The following NR3C1 variants were observed in gnomAD, a reference collection of about 807,000 sequenced individuals.
The protein encoded by NR3C1 is glucocorticoid receptor.
NR3C1 carries 14 observed loss-of-function variants against 74.0 expected under a neutral mutation model. The ratio of observed to expected loss-of-function variants is 0.19; its 90% CI spans 0.12 to 0.30. NR3C1 has a LOEUF of 0.30. Among genes scored for constraint, NR3C1 ranks in the 10% least tolerant of loss-of-function variants. The pLI is 1.00. For synonymous variants in NR3C1, 308 were observed against 332.5 expected (o/e 0.93, Z 0.80); for missense variants, 695 against 909.8 (o/e 0.76, Z 3.04).
chr5:143,376,574 C>T (rs1370510033), intron 2 of NR3C1, among the ~76,000 whole-genome samples: 2 of 152,178 alleles, frequency 1.3e-5, no homozygotes, highest in Non-Finnish European at 2.9e-5. Context: ...CTCATGTTAT[C>T]AGGGTTCCAG....
At chr5:143,364,087 G>C (rs929202292) in intron 2 of NR3C1, among the ~76,000 whole-genome samples, 1 of 152,120 alleles carries the variant, frequency 6.6e-6, no homozygotes, top group African/African-American at 2.4e-5. Flanking sequence ...ACACCTAAAT[G>C]CATCACAATC....
chr5:143,352,981 C>G (rs1246338017), intron 2 of NR3C1, among the ~76,000 whole-genome samples: 1 of 152,202 alleles, frequency 6.6e-6, no homozygotes, highest in Non-Finnish European at 1.5e-5. Flanking sequence ...GAAACTCTTT[C>G]AAAACTGGAA....
chr5:143,389,210 G>A (rs1460486888), intron 2 of NR3C1, among the ~76,000 whole-genome samples: 2 of 152,122 alleles, frequency 1.3e-5, no homozygotes, highest in African/African-American at 2.4e-5. Context: ...CCATGCTGCT[G>A]GGGATATTCA....
chr5:143,278,954 A>G lies in NR3C1; in HGVS notation c.*2935T>C, dbSNP rs1259560034. On this transcript the variant is annotated 3_prime_UTR_variant, in exon 9 of 9. Transcript: ENST00000394464. ...TAGGCATTTGGATATATATACCCCAAAAGTGTTATGTCCTAAGTGCCTCAG... is the reference window on the plus strand; with the variant it reads ...TAGGCATTTGGATATATATACCCCAGAAGTGTTATGTCCTAAGTGCCTCAG... 5.7e-6 allele frequency: 1 copy of G among 174,046 alleles called. No individual in the cohort carries two copies. Among genetic ancestry groups the G allele is most frequent in the African/African-American group, 2.4e-5 (1 of 41,590 alleles). The allele number at this position is 174,046 out of a possible 1,614,324, so 10.8% of individuals were successfully genotyped here.
chr5:143,403,844 C>A, upstream of NR3C1: 4 of 970,144 alleles, frequency 4.1e-6, no homozygotes, highest in Non-Finnish European at 4.9e-6. Context: ...ACGCCCTCCG[C>A]GCGGGCCCCG....
At chr5:143,313,977 A>G (rs757042916) in intron 3 of NR3C1, 25 bp downstream of exon 3, 2 of 1,612,430 alleles carry the variant, frequency 1.2e-6, no homozygotes, top group Non-Finnish European at 1.7e-6. Context: ...TAGAGGAAAA[A>G]TAAACTCTTC....
chr5:143,311,210 G>A (rs781144866), intron 3 of NR3C1, among the ~76,000 whole-genome samples: 1 of 151,932 alleles, frequency 6.6e-6, no homozygotes, highest in East Asian at 1.9e-4. Context: ...TCAAAAGTAC[G>A]ATCAACAGAT....
intron 1 of NR3C1, among the ~76,000 whole-genome samples, chr5:143,412,244 G>A (rs528030639): frequency 1.5e-5 from 2 of 136,760 alleles, no homozygotes; most frequent in African/African-American, 5.4e-5. Context: ...TTAGTCAAAT[G>A]TCGAATTGCC....
exon 1 of NR3C1, chr5:143,435,457 AGAG>A: frequency 1.0e-6 from 1 of 985,486 alleles, no homozygotes; most frequent in Non-Finnish European, 1.2e-6. Flanking sequence ...AGAGGGAGCA[AGAG>A]AAGAGGAAGA....
At chr5:143,364,265 T>C (rs553439023) in intron 2 of NR3C1, among the ~76,000 whole-genome samples, 1 of 152,316 alleles carries the variant, frequency 6.6e-6, no homozygotes, top group Non-Finnish European at 1.5e-5. Flanking sequence ...GAATTACATG[T>C]CAACCAAGAA....
chr5:143,292,555 C>T (rs898783267), intron 7 of NR3C1, among the ~76,000 whole-genome samples: 2 of 152,080 alleles, frequency 1.3e-5, no homozygotes, highest in South Asian at 2.1e-4. Flanking sequence ...CTACTCCTAC[C>T]AGAAAAAGGA....
chr5:143,316,295 C>T (rs1187379423), intron 2 of NR3C1, among the ~76,000 whole-genome samples: 1 of 152,186 alleles, frequency 6.6e-6, no homozygotes. Context: ...CTTGCTCAGC[C>T]AGTCTCTGTC....
rs1821911799 is a variant in NR3C1 at position 143,315,603 on chromosome 5, C to CT, written c.1185-1436dup. Among the ~76,000 whole-genome samples the CT allele has an allele frequency of 3.3e-5, 5 of 152,018 alleles. No homozygotes were observed. The South Asian group carries it at 1.0e-3, about 32-fold the overall frequency. On this transcript the variant is annotated intron_variant, in intron 2 of 8. Transcript: ENST00000394464. The stretch of plus-strand genomic sequence containing the variant: ...CTCTGTTATTCTTTATTATCTCTTG[C>CT]TTTTATTTATTTCAGCCAATAACAG...
At chr5:143,386,249 A>T (rs1303148211) in intron 2 of NR3C1, among the ~76,000 whole-genome samples, 1 of 152,230 alleles carries the variant, frequency 6.6e-6, no homozygotes, top group African/African-American at 2.4e-5. Flanking sequence ...CTGATATGTG[A>T]GGATTATAAT....
intron 2 of NR3C1, among the ~76,000 whole-genome samples, chr5:143,374,514 TA>T (rs1357862040): frequency 3.3e-5 from 5 of 150,412 alleles, no homozygotes; most frequent in African/African-American, 7.3e-5. Flanking sequence ...ACATAGTGAG[TA>T]AAAAAGACAT....
chr5:143,403,600 G>A lies in NR3C1; in HGVS notation c.-403C>T, dbSNP rs1840773835. 1 of 986,030 alleles carries A rather than the reference G, an allele frequency of 1.0e-6. No individual in the cohort carries two copies. Among genetic ancestry groups the A allele is most frequent in the South Asian group, 4.7e-5 (1 of 21,302 alleles). The allele number at this position is 986,030 out of a possible 1,614,324, so 61.1% of individuals were successfully genotyped here. A position where few individuals can be genotyped will look rare whatever the true frequency, so the allele number is the denominator to read the frequency against. The stretch of plus-strand genomic sequence containing the variant: ...GAGCTCGCAAAATGGAGGAGGCGGC[G>A]GCGGAGGGAAGAGAGCGCGGACACG... On this transcript the variant is annotated 5_prime_UTR_variant, in exon 1 of 9. Coordinates refer to ENST00000394464, the MANE Select transcript of NR3C1 (RefSeq NM_000176.3).
At chr5:143,329,219 G>A (rs541503844) in intron 2 of NR3C1, among the ~76,000 whole-genome samples, 1 of 152,218 alleles carries the variant, frequency 6.6e-6, no homozygotes. Flanking sequence ...TGGCAGGAGA[G>A]AGAGAAAGCA....
At chr5:143,333,239 G>A in intron 2 of NR3C1, 2 of 1,385,302 alleles carry the variant, frequency 1.4e-6, no homozygotes, top group Non-Finnish European at 2.0e-6. Flanking sequence ...AGCTGAACTA[G>A]ACCCAGGTGA....
intron 1 of NR3C1, among the ~76,000 whole-genome samples, chr5:143,414,641 A>G (rs868608408): frequency 4.2e-4 from 64 of 152,234 alleles, no homozygotes; most frequent in African/African-American, 1.5e-3. Flanking sequence ...ATTAGTTTAT[A>G]ATCACTCAGT....
Sources: gnomAD v4.1 joint callset for allele counts (sites outside exome capture counted in the v4.1 genomes callset) on GRCh38, gnomAD v4.1.1 for gene constraint, MANE v1.5 for transcripts, NCBI Gene and HGNC (gene_info 2026-07-23, HGNC 2026-07-21) for gene names.